The following RAPH1 variants were observed in gnomAD, a reference collection of about 807,000 sequenced individuals.
The protein encoded by RAPH1 is ras-associated and pleckstrin homology domains-containing protein 1.
In RAPH1, 18 loss-of-function variants were observed where a neutral mutation model predicts 88.1. The ratio of observed to expected loss-of-function variants is 0.20; its 90% confidence interval spans 0.14 to 0.30. The LOEUF is 0.30. RAPH1 is among the 10% of genes least tolerant of loss of function. The probability of loss-of-function intolerance (pLI) is 1.00; values close to 1 mark genes in which losing one functional copy is unlikely to be tolerated. For missense variants in RAPH1, 1,448 were observed against 1,543.2 expected (o/e 0.94, Z 1.03); for synonymous variants, 587 against 559.0 (o/e 1.05, Z -0.71).
intron 1 of RAPH1, among the ~76,000 whole-genome samples, chr2:203,508,877 G>A (rs983923592): frequency 1.3e-5 from 2 of 152,048 alleles, no homozygotes; most frequent in Non-Finnish European, 2.9e-5. Context: ...TAAGGACACT[G>A]AAAAATAATT....
At chr2:203,446,215 T>C (rs1581254460) in intron 12 of RAPH1, 1 of 152,242 alleles carries the variant, frequency 6.6e-6, no homozygotes, top group African/African-American at 2.4e-5. Context: ...TTTTGAGGAA[T>C]AGTGGTCAGG....
At chr2:203,517,669 C>T (rs1689678342) in intron 1 of RAPH1, among the ~76,000 whole-genome samples, 1 of 152,078 alleles carries the variant, frequency 6.6e-6, no homozygotes, top group African/African-American at 2.4e-5. Context: ...ATAATGTCTG[C>T]TCTCAGAGCA....
chr2:203,503,108 C>T lies in RAPH1; in HGVS notation c.1-7755G>A, dbSNP rs143216960. ...GCAGTGAGCCAAGATCCCGCCATTGCATTCCAGGCTGGGTGACAGAGCGAG... is the reference window on the plus strand; with the variant it reads ...GCAGTGAGCCAAGATCCCGCCATTGTATTCCAGGCTGGGTGACAGAGCGAG... On this transcript the variant is annotated intron_variant, in intron 1 of 13. Transcript: ENST00000319170. 7.8e-4 allele frequency among the ~76,000 whole-genome samples: 118 copies of T among 152,250 alleles called. 1 individual carries two copies. The highest frequency in any genetic ancestry group is 3.4e-3 in the Middle Eastern group (1 of 294).
At chr2:203,478,211 T>C (rs1407236045) in intron 4 of RAPH1, among the ~76,000 whole-genome samples, 1 of 152,002 alleles carries the variant, frequency 6.6e-6, no homozygotes, top group African/African-American at 2.4e-5. Flanking sequence ...TTTTTCTGTA[T>C]TTTTAGTAGA....
intron 1 of RAPH1, among the ~76,000 whole-genome samples, chr2:203,509,461 A>G (rs1334953210): frequency 1.3e-5 from 2 of 152,234 alleles, no homozygotes; most frequent in African/African-American, 2.4e-5. Flanking sequence ...ATTTAATTAA[A>G]TTGAAATGCT....
chr2:203,471,245 ATT>A (rs936193965), intron 4 of RAPH1, among the ~76,000 whole-genome samples: 1 of 152,196 alleles, frequency 6.6e-6, no homozygotes, highest in Admixed American at 6.5e-5. Context: ...TATAGAAAAT[ATT>A]GTTATATTTT....
rs1039481949 is a variant in RAPH1 at position 203,437,786 on chromosome 2, C to T, written c.*1651G>A. 10 of 190,590 alleles carry T rather than the reference C, an allele frequency of 5.2e-5. No homozygotes were observed. The East Asian group carries it at 1.6e-3, about 30-fold the overall frequency. 11.8% of individuals were successfully genotyped at this position (190,590 alleles called of 1,614,324 possible). On this transcript the variant is annotated 3_prime_UTR_variant, in exon 14 of 14. Transcript: ENST00000319170. ...CTCTTCCCCCACTTTACTGGCATCACTTTTTCCTTGTGGGACAATGTCAAC... is the reference window on the plus strand; with the variant it reads ...CTCTTCCCCCACTTTACTGGCATCATTTTTTCCTTGTGGGACAATGTCAAC...
intron 13 of RAPH1, 156 bp from the exon 14 acceptor site, chr2:203,441,569 T>C (rs2098504191): frequency 2.9e-6 from 4 of 1,365,478 alleles, no homozygotes; most frequent in South Asian, 3.9e-5. Context: ...AGATGGACAA[T>C]GTCAGGAAGG....
Position 203,447,945 on chromosome 2 carries a change from GC to G in RAPH1, c.1633+13del. On this transcript the variant is annotated intron_variant, in intron 12 of 13. Coordinates refer to ENST00000319170, the MANE Select transcript of RAPH1 (RefSeq NM_213589.3). Reference sequence around the variant, plus strand: ...ATTAATCGCAAAATAGTGCTTTGAAGCATTTTGAACTACCTGGGATGCTGGA... The same window carrying G: ...ATTAATCGCAAAATAGTGCTTTGAAGATTTTGAACTACCTGGGATGCTGGA... 6.2e-7 allele frequency: 1 copy of G among 1,613,476 alleles called. No homozygotes were observed. Among genetic ancestry groups the G allele is most frequent in the East Asian group, 2.2e-5 (1 of 44,836 alleles).
intron 4 of RAPH1, among the ~76,000 whole-genome samples, chr2:203,469,781 T>A (rs1034628758): frequency 6.6e-6 from 1 of 152,204 alleles, no homozygotes; most frequent in African/African-American, 2.4e-5. Flanking sequence ...CTCTTTCAAT[T>A]TGACTAAGTT....
chr2:203,517,582 T>C (rs886209736), intron 1 of RAPH1, among the ~76,000 whole-genome samples: 1 of 152,086 alleles, frequency 6.6e-6, no homozygotes, highest in Non-Finnish European at 1.5e-5. Flanking sequence ...AAGCTCACAC[T>C]GAATATACTC....
chr2:203,497,350 G>T (rs1688562922), intron 1 of RAPH1, among the ~76,000 whole-genome samples: 2 of 152,128 alleles, frequency 1.3e-5, no homozygotes, highest in South Asian at 2.1e-4. Flanking sequence ...AGCACACATG[G>T]ACTGGTATCT....
intron 1 of RAPH1, among the ~76,000 whole-genome samples, chr2:203,530,757 T>C (rs1690353451): frequency 1.3e-5 from 2 of 151,982 alleles, no homozygotes; most frequent in Admixed American, 1.3e-4. Flanking sequence ...CTGGGCACGG[T>C]GGTGCATGCC....
chr2:203,510,593 C>T (rs1262363257), intron 1 of RAPH1, among the ~76,000 whole-genome samples: 1 of 152,128 alleles, frequency 6.6e-6, no homozygotes, highest in Non-Finnish European at 1.5e-5. Flanking sequence ...GGGATGCAAA[C>T]TCAAATACCT....
At position 203,490,056 on chromosome 2, in the gene RAPH1, T is replaced by A. The variant is rs756920840; in HGVS notation, c.260A>T (p.Asp87Val). 6.2e-7 allele frequency: 1 copy of A among 1,613,168 alleles called. No homozygotes were observed. Among genetic ancestry groups the A allele is most frequent in the Non-Finnish European group, 8.5e-7 (1 of 1,179,324 alleles). The stretch of plus-strand genomic sequence containing the variant: ...AGAGCAAAGATCAGCCATCAAGGCA[T>A]CCAGATCCACAGTCTCTCCCTGATT... Reference protein sequence around the residue: ...ALNQGETVDLDALMADLCSIE... With the variant: ...ALNQGETVDLVALMADLCSIE... The change falls in exon 4 of 14, where the codon GAT becomes GTT. Residue 87 changes from aspartate to valine, a missense_variant. Asp to Val is a radical substitution (Grantham distance 152, BLOSUM62 -3). This residue lies in a region of RAPH1 where 513 missense variants were observed against 653.1 expected (regional missense o/e 0.79). Transcript: ENST00000319170.
At chr2:203,456,368 A>G (rs1268116733) in intron 8 of RAPH1, among the ~76,000 whole-genome samples, 1 of 152,238 alleles carries the variant, frequency 6.6e-6, no homozygotes, top group Admixed American at 6.5e-5. Flanking sequence ...AAAGAATGCA[A>G]CGTGCTAAGT....
rs773636555 is a variant in RAPH1, at chr2:203,531,999, C to T, written c.-1+3112G>A. Among the ~76,000 whole-genome samples, 37 of 152,234 alleles carry T rather than the reference C, an allele frequency of 2.4e-4. 1 individual carries two copies. The highest frequency in any genetic ancestry group is 4.3e-4 in the Non-Finnish European group (29 of 68,022). ...CCAAAGGTGGAAACAACCCAAATAT[C>T]CATAAATGTGGTATATACATACAAC... On this transcript the variant is annotated intron_variant, in intron 1 of 13. Transcript: ENST00000319170.
At chr2:203,455,676 C>A (rs866532722) in intron 8 of RAPH1, 96 bp from the exon 9 acceptor site, 5 of 1,206,596 alleles carry the variant, frequency 4.1e-6, no homozygotes, top group Middle Eastern at 4.0e-4. Flanking sequence ...GTTATTAAAC[C>A]AAAATGGTTT....
At chr2:203,488,478 A>C (rs1203157437) in intron 4 of RAPH1, among the ~76,000 whole-genome samples, 3 of 149,630 alleles carry the variant, frequency 2.0e-5, no homozygotes, top group Admixed American at 6.7e-5. Flanking sequence ...AATCCCAGCT[A>C]CTCAGGAGGC....
Sources: gnomAD v4.1 joint callset for allele counts (sites outside exome capture counted in the v4.1 genomes callset) on GRCh38, gnomAD v4.1.1 for gene constraint, gnomAD v4.1.1 regional missense constraint, MANE v1.5 for transcripts, NCBI Gene and HGNC (gene_info 2026-07-23, HGNC 2026-07-21) for gene names.